HIVEP2: variants seen among roughly 807,000 people sequenced by gnomAD.
The protein encoded by HIVEP2 is HIVEP zinc finger 2.
Under a neutral mutation model 180.7 loss-of-function variants are expected in HIVEP2, and 14 were observed. The observed-to-expected ratio is 0.08, with a 90% CI of 0.05 to 0.12. The LOEUF is 0.12. Among genes scored for constraint, HIVEP2 ranks in the 10% least tolerant of loss-of-function variants. The pLI, the probability that HIVEP2 is intolerant of heterozygous loss-of-function variation, is 1.00. For synonymous variants in HIVEP2, 1,184 were observed against 1,136.4 expected, an observed-to-expected ratio of 1.04 and a Z score of -0.84; for missense variants, 2,579 against 3,008.5, an observed-to-expected ratio of 0.86 and a Z score of 3.34.
intron 1 of HIVEP2, among the ~76,000 whole-genome samples, chr6:142,934,177 T>G (rs1009353661): frequency 2.0e-5 from 3 of 152,196 alleles, no homozygotes; most frequent in African/African-American, 4.8e-5. Context: ...TTTCAACAAT[T>G]GAATTATTCT....
In HIVEP2 at chr6:142,934,612, G is replaced by A. The variant is rs72566283; in HGVS notation, c.-641+10487C>T. On this transcript the variant is annotated intron_variant, in intron 1 of 9. Transcript: ENST00000367603. ...GATTTTTCCCTTGCTTAGAGAAAGC[G>A]AATTTATTAAAATGTAAGCATCAGC... is the stretch of plus-strand genomic sequence containing the variant. Among the ~76,000 whole-genome samples the A allele has an allele frequency of 7.1e-3, 1,084 of 152,240 alleles. 30 individuals carry two copies. The East Asian group carries it at 0.11, about 15-fold the overall frequency.
At chr6:142,944,040 C>G (rs963879474) in intron 1 of HIVEP2, among the ~76,000 whole-genome samples, 2 of 152,210 alleles carry the variant, frequency 1.3e-5, no homozygotes, top group African/African-American at 4.8e-5. Flanking sequence ...CAAGCTTTCC[C>G]GTTAGGGAAG....
chr6:142,793,648 C>T (rs930022955), intron 2 of HIVEP2, among the ~76,000 whole-genome samples: 274 of 37,158 alleles, frequency 7.4e-3, no homozygotes, highest in Middle Eastern at 0.017. Flanking sequence ...TTCTTTCTTT[C>T]TTTCTTTCTT....
At chr6:142,907,454 A>G (rs1331004306) in intron 1 of HIVEP2, among the ~76,000 whole-genome samples, 2 of 152,202 alleles carry the variant, frequency 1.3e-5, no homozygotes, top group Admixed American at 1.3e-4. Context: ...GAAAGGGTCA[A>G]AGCAATAAAA....
chr6:142,896,971 T>C (rs1777014247), intron 1 of HIVEP2, among the ~76,000 whole-genome samples: 1 of 152,210 alleles, frequency 6.6e-6, no homozygotes, highest in Non-Finnish European at 1.5e-5. Context: ...TATGACTATA[T>C]TGTTCTCTTC....
chr6:142,818,342 A>C (rs1776897736), intron 2 of HIVEP2, among the ~76,000 whole-genome samples: 1 of 152,206 alleles, frequency 6.6e-6, no homozygotes, highest in South Asian at 2.1e-4. Flanking sequence ...TATAATGATT[A>C]ACAGTTTATG....
chr6:142,780,078 T>C (rs1775810864), intron 3 of HIVEP2, among the ~76,000 whole-genome samples: 1 of 152,248 alleles, frequency 6.6e-6, no homozygotes, highest in South Asian at 2.1e-4. Context: ...GATCTTTCTA[T>C]ATTCCAACAG....
chr6:142,775,583 A>T (rs197510), intron 4 of HIVEP2, among the ~76,000 whole-genome samples: 107,704 of 151,974 alleles, frequency 0.71, 39,055 homozygotes, highest in African/African-American at 0.85. Context: ...ACGCCTGTAA[A>T]CCCAGCATTT....
chr6:142,869,218 A>T (rs755712717), intron 1 of HIVEP2, among the ~76,000 whole-genome samples: 1 of 152,206 alleles, frequency 6.6e-6, no homozygotes, highest in Non-Finnish European at 1.5e-5. Context: ...AAGGTTGAGA[A>T]ATCCTGGCCT....
At position 142,760,252 on chromosome 6, in the gene HIVEP2, G is replaced by C; in HGVS notation, c.6036C>G (p.Asp2012Glu). Residue 2012 changes from aspartate to glutamate, a missense_variant, in exon 9 of 10, where the codon GAC becomes GAG. By Grantham distance (45) the Asp-to-Glu change is conservative. This residue lies in a region of HIVEP2 where 660 missense variants were observed against 731.7 expected (regional missense o/e 0.90). Transcript: ENST00000367603. ...AACTAGGTATGTCCAATCTGTCTTT[G>C]TCTGGTTCTGAGTCCGTACTTTTGC... ...FQSKSTDSEP[D>E]KDRLDIPSCM... 11 of 1,614,142 alleles carry C rather than the reference G, an allele frequency of 6.8e-6. No homozygotes were observed. The highest frequency in any genetic ancestry group is 7.6e-6 in the Non-Finnish European group (9 of 1,180,018).
intron 1 of HIVEP2, among the ~76,000 whole-genome samples, chr6:142,901,379 T>C (rs1777129689): frequency 6.6e-6 from 1 of 152,236 alleles, no homozygotes; most frequent in Non-Finnish European, 1.5e-5. Flanking sequence ...TTACTATTTT[T>C]CAAATAGGTT....
intron 2 of HIVEP2, among the ~76,000 whole-genome samples, chr6:142,804,068 C>T (rs1315528881): frequency 6.6e-6 from 1 of 152,168 alleles, no homozygotes; most frequent in East Asian, 1.9e-4. Context: ...GTGCATCAAA[C>T]TCTAGTACAA....
intron 1 of HIVEP2, among the ~76,000 whole-genome samples, chr6:142,850,865 T>C (rs1775651288): frequency 6.6e-6 from 1 of 152,234 alleles, no homozygotes; most frequent in South Asian, 2.1e-4. Flanking sequence ...GTTCTCACCC[T>C]GAACACTGTC....
chr6:142,870,540 A>C (rs1277969799), intron 1 of HIVEP2, among the ~76,000 whole-genome samples: 1 of 152,156 alleles, frequency 6.6e-6, no homozygotes, highest in African/African-American at 2.4e-5. Context: ...CATCAAACTG[A>C]ACCAAATCCC....
intron 1 of HIVEP2, among the ~76,000 whole-genome samples, chr6:142,890,407 CA>C (rs999786734): frequency 6.6e-6 from 1 of 152,202 alleles, no homozygotes; most frequent in Non-Finnish European, 1.5e-5. Context: ...TTCCTTCTAA[CA>C]CTCTAAATTC....
intron 1 of HIVEP2, among the ~76,000 whole-genome samples, chr6:142,842,575 C>T (rs568392532): frequency 1.4e-4 from 22 of 152,230 alleles, no homozygotes; most frequent in African/African-American, 4.1e-4. Context: ...TTTGTCAAGT[C>T]GAGTGAAAGA....
intron 1 of HIVEP2, among the ~76,000 whole-genome samples, chr6:142,914,591 A>G (rs1036706777): frequency 6.6e-5 from 10 of 152,208 alleles, no homozygotes; most frequent in African/African-American, 2.4e-4. Flanking sequence ...GAAGTGTTGC[A>G]GGGAGAGGTT....
chr6:142,867,359 A>G (rs1488169526), intron 1 of HIVEP2, among the ~76,000 whole-genome samples: 1 of 152,174 alleles, frequency 6.6e-6, no homozygotes, highest in East Asian at 1.9e-4. Flanking sequence ...ACCAGATTGT[A>G]TTAACTATCA....
At chr6:142,895,025 C>T (rs908614800) in intron 1 of HIVEP2, among the ~76,000 whole-genome samples, 7 of 152,220 alleles carry the variant, frequency 4.6e-5, no homozygotes, top group Admixed American at 1.3e-4. Context: ...TTGTTTATAA[C>T]AGTCCTGCTC....
Sources: allele counts gnomAD v4.1 joint callset (sites outside exome capture counted in the v4.1 genomes callset), GRCh38; gene constraint gnomAD v4.1.1; regional missense constraint gnomAD v4.1.1; transcripts MANE v1.5; gene names NCBI Gene and HGNC (gene_info 2026-07-23, HGNC 2026-07-21).